DCLK2: variants seen among roughly 807,000 people sequenced by gnomAD.
DCLK2 encodes the protein serine/threonine-protein kinase DCLK2.
DCLK2 carries 31 observed loss-of-function variants against 78.4 expected under a neutral mutation model. That is an observed-to-expected ratio of 0.40 (90% CI 0.30 to 0.53). The LOEUF (loss-of-function observed/expected upper bound fraction) is 0.53. DCLK2 is among the 20% of genes least tolerant of loss of function. DCLK2 has a pLI of 0.61. For missense variants in DCLK2, 872 were observed against 973.7 expected, an observed-to-expected ratio of 0.90 and a Z score of 1.39; for synonymous variants, 407 against 374.9, an observed-to-expected ratio of 1.09 and a Z score of -0.99.
At chr4:150,129,882 G>A (rs1362945645) in intron 2 of DCLK2, among the ~76,000 whole-genome samples, 2 of 151,906 alleles carry the variant, frequency 1.3e-5, no homozygotes, top group African/African-American at 4.8e-5. Context: ...TTGAAGAGGT[G>A]CCTAATCTCC....
At chr4:150,251,737 C>T (rs1366569499) in intron 15 of DCLK2, among the ~76,000 whole-genome samples, 2 of 132,486 alleles carry the variant, frequency 1.5e-5, no homozygotes, top group African/African-American at 2.9e-5. Context: ...ACCCCACACC[C>T]GAACACACCC....
At chr4:150,210,040 A>C (rs1344441271) in intron 5 of DCLK2, among the ~76,000 whole-genome samples, 1 of 152,194 alleles carries the variant, frequency 6.6e-6, no homozygotes, top group Non-Finnish European at 1.5e-5. Context: ...CTGCCACTTC[A>C]TTCCAGCCTG....
intron 15 of DCLK2, chr4:150,253,201 C>G (rs962234426): frequency 7.9e-6 from 4 of 507,558 alleles, no homozygotes; most frequent in Admixed American, 2.0e-5. Flanking sequence ...CTCAAAATGA[C>G]TCTCCCTGGT....
intron 2 of DCLK2, among the ~76,000 whole-genome samples, chr4:150,189,121 T>C (rs1738187589): frequency 6.6e-6 from 1 of 152,108 alleles, no homozygotes; most frequent in Non-Finnish European, 1.5e-5. Flanking sequence ...TTTTTTCAGA[T>C]TCATTCAGAT....
In DCLK2 at chr4:150,193,119, A is replaced by G. The variant is rs781256155; in HGVS notation, c.757-19A>G. The G allele has an allele frequency of 1.4e-6, 2 of 1,469,504 alleles. No homozygotes were observed. Among genetic ancestry groups the G allele is most frequent in the Admixed American group, 1.7e-5 (1 of 59,174 alleles). 91.0% of individuals were successfully genotyped at this position (1,469,504 alleles called of 1,614,324 possible). On this transcript the variant is annotated intron_variant, in intron 2 of 15. Transcript: ENST00000296550. ...CTAATGTGTCTAATTTATTTCTTGG[A>G]CATGATTTTTGTTCTCAGGTTACTT...
chr4:150,217,505 A>C (rs1352596049), intron 5 of DCLK2, among the ~76,000 whole-genome samples: 1 of 152,190 alleles, frequency 6.6e-6, no homozygotes, highest in Non-Finnish European at 1.5e-5. Context: ...CTTCAGAGTC[A>C]TTTGTAACCG....
chr4:150,219,963 T>A (rs1741053458), intron 5 of DCLK2, among the ~76,000 whole-genome samples: 1 of 152,078 alleles, frequency 6.6e-6, no homozygotes, highest in Non-Finnish European at 1.5e-5. Context: ...TCCCAGCTAC[T>A]CTTAGGAAAA....
At chr4:150,094,805 C>T (rs1408607239) in intron 1 of DCLK2, among the ~76,000 whole-genome samples, 1 of 152,176 alleles carries the variant, frequency 6.6e-6, no homozygotes, top group Non-Finnish European at 1.5e-5. Flanking sequence ...GAAGAAGGTA[C>T]AGTCAGTTTT....
chr4:150,164,282 T>TA (rs1735909391), intron 2 of DCLK2, among the ~76,000 whole-genome samples: 1 of 152,226 alleles, frequency 6.6e-6, no homozygotes, highest in African/African-American at 2.4e-5. Context: ...AGAGTCTGAT[T>TA]AAGTGGTCTG....
At chr4:150,190,618 G>T (rs1738382570) in intron 2 of DCLK2, among the ~76,000 whole-genome samples, 1 of 152,162 alleles carries the variant, frequency 6.6e-6, no homozygotes. Context: ...CTAGAAAGTA[G>T]ATTATGGGTG....
In DCLK2 at chr4:150,108,938, C is replaced by G. The variant is rs537393758; in HGVS notation, c.756+6126C>G. 3.5e-4 allele frequency among the ~76,000 whole-genome samples: 54 copies of G among 152,268 alleles called. 2 individuals carry two copies. In the South Asian group the frequency reaches 0.011, roughly 30 times the overall value. ...TCCAGACTTTGGGACCACTGCCAGCCTTAGGATGCTCACATGCAGCGGGTC... is the reference window on the plus strand; with the variant it reads ...TCCAGACTTTGGGACCACTGCCAGCGTTAGGATGCTCACATGCAGCGGGTC... On this transcript the variant is annotated intron_variant, in intron 2 of 15. Transcript: ENST00000296550.
intron 5 of DCLK2, among the ~76,000 whole-genome samples, chr4:150,206,831 T>A (rs993124111): frequency 6.6e-5 from 10 of 152,190 alleles, no homozygotes; most frequent in African/African-American, 2.4e-4. Context: ...CTCATTACAG[T>A]TCCCATAATC....
At chr4:150,090,528 C>A (rs190976796) in intron 1 of DCLK2, among the ~76,000 whole-genome samples, 350 of 104,106 alleles carry the variant, frequency 3.4e-3, no homozygotes, top group African/African-American at 0.01. Context: ...AGCAAAAAAA[C>A]CAGATCACAG....
At chr4:150,255,709 C>T (rs1484398300) in intron 15 of DCLK2, among the ~76,000 whole-genome samples, 1 of 152,184 alleles carries the variant, frequency 6.6e-6, no homozygotes, top group African/African-American at 2.4e-5. Context: ...TTCTTTTGAG[C>T]TTAAGGTCTG....
intron 5 of DCLK2, among the ~76,000 whole-genome samples, chr4:150,218,196 T>C (rs1245807909): frequency 6.6e-6 from 1 of 150,778 alleles, no homozygotes; most frequent in Non-Finnish European, 1.5e-5. Flanking sequence ...TCACTTGTCC[T>C]GTTTCCTGGT....
chr4:150,141,499 C>G (rs1356057781), intron 2 of DCLK2, among the ~76,000 whole-genome samples: 1 of 152,136 alleles, frequency 6.6e-6, no homozygotes, highest in African/African-American at 2.4e-5. Context: ...GAAACCATTC[C>G]AAAGGCACCT....
At chr4:150,142,347 C>T (rs1734165427) in intron 2 of DCLK2, among the ~76,000 whole-genome samples, 1 of 152,130 alleles carries the variant, frequency 6.6e-6, no homozygotes, top group African/African-American at 2.4e-5. Flanking sequence ...TCGTGATTGA[C>T]CCCAGATCTT....
chr4:150,149,071 C>G (rs930549687), intron 2 of DCLK2, among the ~76,000 whole-genome samples: 66 of 147,552 alleles, frequency 4.5e-4, no homozygotes, highest in African/African-American at 1.6e-3. Flanking sequence ...GAAATGGAGA[C>G]CATGGATACC....
chr4:150,232,264 G>C, intron 8 of DCLK2, 73 bp from the exon 9 acceptor site: 17 of 1,547,292 alleles, frequency 1.1e-5, no homozygotes, highest in Non-Finnish European at 1.5e-5. Context: ...TGTTTGTTTT[G>C]CTGTCCTCCA....
Sources: gnomAD v4.1 joint callset for allele counts (sites outside exome capture counted in the v4.1 genomes callset) on GRCh38, gnomAD v4.1.1 for gene constraint, MANE v1.5 for transcripts, NCBI Gene and HGNC (gene_info 2026-07-23, HGNC 2026-07-21) for gene names.